Variants in CTTN observed in about 807,000 individuals in gnomAD.
CTTN encodes src substrate cortactin.
Under a neutral mutation model 84.0 loss-of-function variants are expected in CTTN, and 28 were observed. The ratio of observed to expected loss-of-function variants is 0.33; its 90% CI spans 0.25 to 0.46. The LOEUF (loss-of-function observed/expected upper bound fraction) is 0.46, where lower values mean the gene tolerates loss of function less well. CTTN is among the 20% of genes least tolerant of loss of function. CTTN has a pLI of 1.00. For synonymous variants in CTTN, 301 were observed against 288.8 expected (o/e 1.04, Z -0.43); for missense variants, 641 against 723.8 (o/e 0.89, Z 1.31).
intron 1 of CTTN, among the ~76,000 whole-genome samples, chr11:70,401,193 G>A (rs145108359): frequency 2.0e-5 from 3 of 151,974 alleles, no homozygotes; most frequent in African/African-American, 7.2e-5. Flanking sequence ...AAAATTGGCC[G>A]GGTATGGTGG....
intron 1 of CTTN, among the ~76,000 whole-genome samples, chr11:70,404,481 T>C (rs2058021197): frequency 6.6e-6 from 1 of 152,184 alleles, no homozygotes; most frequent in Admixed American, 6.5e-5. Context: ...CAGCTGCCAG[T>C]CTCATGTCTT....
intron 2 of CTTN, among the ~76,000 whole-genome samples, chr11:70,406,959 A>G (rs536070257): frequency 3.9e-5 from 6 of 152,228 alleles, no homozygotes; most frequent in Non-Finnish European, 8.8e-5. Context: ...AACTATCATC[A>G]TATGATTGAA....
intron 15 of CTTN, among the ~76,000 whole-genome samples, chr11:70,432,230 C>T (rs1271205500): frequency 2.0e-5 from 3 of 152,210 alleles, no homozygotes; most frequent in East Asian, 1.9e-4. Flanking sequence ...CCGGCCTCCC[C>T]CTCTAGTCCC....
Position 70,435,092 on chromosome 11 carries a change from G to C in CTTN, c.1583G>C (p.Gly528Ala). The change falls in exon 18 of 18, where the codon GGC (glycine) becomes GCC (alanine). Residue 528 changes from glycine to alanine, a missense_variant. By Grantham distance (60) the Gly-to-Ala change is moderately conservative. Transcript: ENST00000301843. Reference protein sequence around the residue: ...IITNIEMIDDGWWRGVCKGRY... With the variant: ...IITNIEMIDDAWWRGVCKGRY... Reference sequence around the variant, plus strand: ...ACCAACATCGAGATGATTGACGACGGCTGGTGGCGCGGGGTGTGCAAGGGC... The same window carrying C: ...ACCAACATCGAGATGATTGACGACGCCTGGTGGCGCGGGGTGTGCAAGGGC... 6.2e-7 allele frequency: 1 copy of C among 1,614,036 alleles called. No individual in the cohort carries two copies. The highest frequency in any genetic ancestry group is 1.1e-5 in the South Asian group (1 of 91,080).
chr11:70,423,907 G>A (rs2135584432), intron 12 of CTTN, among the ~76,000 whole-genome samples: 1 of 152,346 alleles, frequency 6.6e-6, no homozygotes, highest in East Asian at 1.9e-4. Context: ...CTGGGTTGTG[G>A]GGGTTGGCCT....
intron 15 of CTTN, among the ~76,000 whole-genome samples, chr11:70,432,897 C>T (rs1002128525): frequency 6.6e-6 from 1 of 152,134 alleles, no homozygotes; most frequent in Non-Finnish European, 1.5e-5. Context: ...GGGTCATCAT[C>T]GGGAAGGAAA....
intron 15 of CTTN, among the ~76,000 whole-genome samples, chr11:70,431,709 A>G (rs1011132188): frequency 1.3e-5 from 2 of 151,914 alleles, no homozygotes; most frequent in Non-Finnish European, 2.9e-5. Flanking sequence ...TGCCTGCCCC[A>G]TTCAGCTCTC....
intron 17 of CTTN, among the ~76,000 whole-genome samples, chr11:70,434,691 CA>C (rs1293281441): frequency 6.6e-6 from 1 of 152,254 alleles, no homozygotes; most frequent in Non-Finnish European, 1.5e-5. Context: ...CCCATCTCCC[CA>C]CCCCCTCCAC....
chr11:70,428,623 A>AT (rs2058323403), intron 13 of CTTN, among the ~76,000 whole-genome samples: 1 of 151,966 alleles, frequency 6.6e-6, no homozygotes, highest in African/African-American at 2.4e-5. Context: ...CCTCTTTTCC[A>AT]TTTTTGTCAC....
chr11:70,435,564 T>G lies in CTTN; in HGVS notation c.*402T>G, dbSNP rs747805385. On this transcript the variant is annotated 3_prime_UTR_variant, in exon 18 of 18. Coordinates refer to ENST00000301843, the MANE Select transcript of CTTN (RefSeq NM_005231.4). ...CAAGCACGAGGCCTCAGGTCGGCCC[T>G]GTGGCGGGTAGGCAGGAAGGACTGT... 2.5e-5 allele frequency: 39 copies of G among 1,562,230 alleles called. No homozygotes were observed. The African/African-American group carries it at 4.6e-4, about 18-fold the overall frequency.
Position 70,429,076 on chromosome 11 carries a change from A to T in CTTN, c.1053A>T (p.Arg351Ser), listed in dbSNP as rs1026049845. 6.2e-7 allele frequency: 1 copy of T among 1,614,206 alleles called. No homozygotes were observed. The highest frequency in any genetic ancestry group is 8.5e-7 in the Non-Finnish European group (1 of 1,180,046). Residue 351 changes from arginine to serine, a missense_variant, in exon 14 of 18, where the codon AGA becomes AGT. Coordinates refer to ENST00000301843, the MANE Select transcript of CTTN (RefSeq NM_005231.4). ...TGACCAGCAAAACAAGTAACATCAGAGCTAACTTTGAAAACCTCGCTAAGG... is the reference window on the plus strand; with the variant it reads ...TGACCAGCAAAACAAGTAACATCAGTGCTAACTTTGAAAACCTCGCTAAGG... ...EAVTSKTSNIRANFENLAKEK... is the reference protein window; with the variant it reads ...EAVTSKTSNISANFENLAKEK...
intron 1 of CTTN, among the ~76,000 whole-genome samples, chr11:70,404,942 C>T (rs149067918): frequency 1.0e-3 from 153 of 152,268 alleles, no homozygotes; most frequent in African/African-American, 3.6e-3. Context: ...GTGGAGTTTG[C>T]GGTAAGCCGC....
intron 10 of CTTN, among the ~76,000 whole-genome samples, chr11:70,421,051 C>T (rs2058230485): frequency 6.6e-6 from 1 of 152,244 alleles, no homozygotes; most frequent in South Asian, 2.1e-4. Flanking sequence ...CTGAAAGCCT[C>T]TCAGTGTGAC....
intron 5 of CTTN, among the ~76,000 whole-genome samples, chr11:70,411,864 C>T (rs1292540129): frequency 6.6e-6 from 1 of 152,184 alleles, no homozygotes; most frequent in Non-Finnish European, 1.5e-5. Context: ...CCCAGGGAGA[C>T]TCCCCTCCGG....
At chr11:70,418,222 A>G (rs909128111) in intron 8 of CTTN, among the ~76,000 whole-genome samples, 1 of 152,142 alleles carries the variant, frequency 6.6e-6, no homozygotes, top group Non-Finnish European at 1.5e-5. Flanking sequence ...CCTGGAGGGC[A>G]GCTTGGCTTG....
chr11:70,420,060 C>T (rs2058212641), intron 9 of CTTN: 2 of 606,234 alleles, frequency 3.3e-6, no homozygotes. Flanking sequence ...GGCGCTCCAG[C>T]CCCAGCGGCG....
rs2058080178 is a variant in CTTN, at chr11:70,409,881, A to G, written c.212A>G (p.Glu71Gly). Reference protein sequence around the residue: ...NVFQEHQTLKEKELETGPKAS... With the variant: ...NVFQEHQTLKGKELETGPKAS... ...TTTCAAGAGCATCAGACCCTTAAGG[A>G]GAAGGAACTTGAAACAGGACCAAAA... The change falls in exon 5 of 18, where the codon GAG becomes GGG. Residue 71 changes from glutamate (E) to glycine (G), a missense_variant. By Grantham distance (98) the Glu-to-Gly change is moderately conservative (BLOSUM62 -2). Around this residue, in one of 3 missense-constraint regions of CTTN, gnomAD observed 284 missense variants for 348.4 expected, o/e 0.82. Coordinates refer to ENST00000301843, the MANE Select transcript of CTTN (RefSeq NM_005231.4). 1 of 1,613,900 alleles carries G rather than the reference A, an allele frequency of 6.2e-7. No individual in the cohort carries two copies. The highest frequency in any genetic ancestry group is 8.5e-7 in the Non-Finnish European group (1 of 1,179,902).
At chr11:70,414,496 G>A (rs538277323) in intron 5 of CTTN, 46 bp from the exon 6 acceptor site, 11 of 1,391,072 alleles carry the variant, frequency 7.9e-6, no homozygotes, top group African/African-American at 4.2e-5. Context: ...GTGAAGCGCC[G>A]CAGTGTTGTT....
In CTTN at chr11:70,435,023, C is replaced by A; in HGVS notation, c.1517-3C>A. ...GCATCTTTCTCTGTGTTCTCTTCCC[C>A]AGCGGGCGATGATGAGATCTCATTT... On this transcript the variant is annotated splice_polypyrimidine_tract_variant and splice_region_variant and intron_variant, in intron 17 of 17. Transcript: ENST00000301843. 6.2e-7 allele frequency: 1 copy of A among 1,613,926 alleles called. No individual in the cohort carries two copies. The highest frequency in any genetic ancestry group is 8.5e-7 in the Non-Finnish European group (1 of 1,179,978).
Sources: gnomAD v4.1 joint callset for allele counts (sites outside exome capture counted in the v4.1 genomes callset) on GRCh38, gnomAD v4.1.1 for gene constraint, gnomAD v4.1.1 regional missense constraint, MANE v1.5 for transcripts, NCBI Gene and HGNC (gene_info 2026-07-23, HGNC 2026-07-21) for gene names.